Variants in VPS13C observed in about 807,000 individuals in gnomAD.
The protein encoded by VPS13C is vacuolar protein sorting 13 homolog C.
VPS13C carries 358 observed loss-of-function variants against 456.8 expected under a neutral mutation model. The observed-to-expected ratio is 0.78, with a 90% CI of 0.72 to 0.86. The LOEUF is 0.86. Ranked by LOEUF, VPS13C falls within the 40% of genes least tolerant of loss-of-function variation. The probability of loss-of-function intolerance (pLI) is 0.00; values close to 1 mark genes in which losing one functional copy is unlikely to be tolerated. For missense variants in VPS13C, 4,818 were observed against 4,385.4 expected, an observed-to-expected ratio of 1.10 and a Z score of -2.79; for synonymous variants, 1,578 against 1,486.7, an observed-to-expected ratio of 1.06 and a Z score of -1.41.
At chr15:61,995,930 G>C (rs1016784709) in intron 16 of VPS13C, among the ~76,000 whole-genome samples, 2 of 152,178 alleles carry the variant, frequency 1.3e-5, no homozygotes, top group Non-Finnish European at 2.9e-5. Context: ...TCTGCCCTGA[G>C]CAAGGGCCTC....
intron 75 of VPS13C, 97 bp downstream of exon 75, chr15:61,876,876 A>T: frequency 1.2e-6 from 1 of 837,642 alleles, no homozygotes; most frequent in Non-Finnish European, 1.7e-6. Context: ...AAGTGAGATA[A>T]ATTAGATAAA....
chr15:62,038,033 G>GA (rs1460529201), intron 3 of VPS13C, among the ~76,000 whole-genome samples: 2 of 152,040 alleles, frequency 1.3e-5, no homozygotes, highest in Non-Finnish European at 2.9e-5. Context: ...ATTGAATAAA[G>GA]AAAAAAGTGA....
chr15:61,981,395 C>T lies in VPS13C; in HGVS notation c.2113G>A (p.Gly705Ser). 1 of 1,611,966 alleles carries T rather than the reference C, an allele frequency of 6.2e-7. No individual in the cohort carries two copies. Among genetic ancestry groups the T allele is most frequent in the Non-Finnish European group, 8.5e-7 (1 of 1,179,192 alleles). ...KPSYLVVPQT[G>S]FHHEKSDLLI... ...AGATCTGACTTTTCATGGTGGAAAC[C>T]CGTCTGTGGAACTACTAGATAAGAA... The change falls in exon 22 of 85, where the codon GGT (glycine) becomes AGT (serine). Residue 705 changes from glycine (G) to serine (S), a missense_variant. Around this residue, in one of 3 missense-constraint regions of VPS13C, gnomAD observed 4,552 missense variants for 4,130.6 expected, o/e 1.10. Coordinates refer to ENST00000644861, the MANE Select transcript of VPS13C (RefSeq NM_020821.3).
At chr15:61,912,498 T>G (rs1438336045) in intron 62 of VPS13C, among the ~76,000 whole-genome samples, 3 of 152,096 alleles carry the variant, frequency 2.0e-5, no homozygotes, top group Non-Finnish European at 2.9e-5. Context: ...GTTGCTCAAC[T>G]GGATGGATTA....
intron 11 of VPS13C, among the ~76,000 whole-genome samples, chr15:62,012,417 G>A (rs556356320): frequency 3.5e-4 from 53 of 151,754 alleles, no homozygotes; most frequent in Non-Finnish European, 6.8e-4. Flanking sequence ...CTCTGACTCC[G>A]AAAAAATGTA....
At chr15:61,946,517 A>G in intron 43 of VPS13C, 107 bp from the exon 44 acceptor site, 1 of 718,206 alleles carries the variant, frequency 1.4e-6, no homozygotes, top group Non-Finnish European at 2.1e-6. Flanking sequence ...AATAAAAATT[A>G]CTCATTATAA....
intron 6 of VPS13C, 66 bp from the exon 7 acceptor site, chr15:62,023,911 A>G (rs1236042282): frequency 4.2e-6 from 6 of 1,434,146 alleles, no homozygotes; most frequent in Non-Finnish European, 5.7e-6. Context: ...CAGGACAGAA[A>G]AGAAAACAAG....
At chr15:61,883,622 G>A (rs1344768263) in intron 68 of VPS13C, among the ~76,000 whole-genome samples, 17 of 152,128 alleles carry the variant, frequency 1.1e-4, no homozygotes, top group African/African-American at 4.1e-4. Context: ...CCTAGGTGGA[G>A]TGCATCTTTA....
chr15:62,014,640 T>C (rs1366433180), intron 9 of VPS13C, among the ~76,000 whole-genome samples: 1 of 152,144 alleles, frequency 6.6e-6, no homozygotes, highest in South Asian at 2.1e-4. Flanking sequence ...GTTGTTATAA[T>C]AGCCACTATA....
At chr15:61,973,556 T>C (rs774314286) in intron 25 of VPS13C, 24 bp from the exon 26 acceptor site, 1 of 1,578,552 alleles carries the variant, frequency 6.3e-7, no homozygotes, top group East Asian at 2.2e-5. Flanking sequence ...CAAAAAGTTT[T>C]CTTAAAAAGG....
intron 28 of VPS13C, 113 bp from the exon 29 acceptor site, chr15:61,967,560 C>T: frequency 2.5e-6 from 2 of 797,398 alleles, no homozygotes; most frequent in Non-Finnish European, 4.0e-6. Flanking sequence ...AAAATCTTTG[C>T]ATATTGTCAT....
rs140366837 is a variant in VPS13C, at chr15:61,868,237, T to G, written c.10863+422A>C. Among the ~76,000 whole-genome samples, 387 of 152,262 alleles carry G rather than the reference T, an allele frequency of 2.5e-3. 1 individual carries two copies. The highest frequency in any genetic ancestry group is 0.02 in the Middle Eastern group (6 of 294). ...AACAAGATCATAATTATACATAATC[T>G]TTTATTCTCTCATCTAGTTCTAGTT... On this transcript the variant is annotated intron_variant, in intron 81 of 84. Transcript: ENST00000644861.
At chr15:62,007,520 G>C (rs780917727) in intron 14 of VPS13C, 41 bp from the exon 15 acceptor site, 2 of 1,468,406 alleles carry the variant, frequency 1.4e-6, no homozygotes, top group Non-Finnish European at 1.8e-6. Context: ...TAATATAAAG[G>C]TTTAAGAGAA....
chr15:61,868,729 C>T lies in VPS13C; in HGVS notation c.10793G>A (p.Arg3598His), dbSNP rs1033240534. Residue 3598 changes from arginine (R) to histidine (H), a missense_variant, in exon 81 of 85, where the codon CGC (arginine) becomes CAC (histidine). Physicochemically the swap from Arg to His is conservative, Grantham distance 29. Transcript: ENST00000644861. ...TEEVSSLRPP[R>H]LIHEDGIIRP... ...AATGATGCCATCTTCATGGATCAGG[C>T]GAGGGGGACGGAGGCTAGATACTTC... The T allele has an allele frequency of 1.1e-5, 17 of 1,613,900 alleles. No individual in the cohort carries two copies. The highest frequency in any genetic ancestry group is 2.7e-5 in the African/African-American group (2 of 74,900).
intron 15 of VPS13C, among the ~76,000 whole-genome samples, chr15:62,001,403 T>G (rs988539666): frequency 1.3e-5 from 2 of 152,246 alleles, no homozygotes; most frequent in Admixed American, 1.3e-4. Flanking sequence ...TTTCACATTA[T>G]GAATCATTGC....
At position 61,959,600 on chromosome 15, in the gene VPS13C, G is replaced by A. The variant is rs1408773936; in HGVS notation, c.3909-5C>T. 2.4e-5 allele frequency: 39 copies of A among 1,606,814 alleles called. No individual in the cohort carries two copies. In the East Asian group the frequency reaches 6.3e-4, roughly 26 times the overall value. On this transcript the variant is annotated splice_polypyrimidine_tract_variant and splice_region_variant and intron_variant, in intron 35 of 84. Transcript: ENST00000644861. The stretch of plus-strand genomic sequence containing the variant: ...ATGCCTGGCTGGATCACTGTCCTAC[G>A]AAAAACAGAAATGTTACATAATGCA...
intron 66 of VPS13C, among the ~76,000 whole-genome samples, chr15:61,899,398 G>T (rs372614329): frequency 1.3e-5 from 2 of 150,914 alleles, no homozygotes; most frequent in South Asian, 2.1e-4. Flanking sequence ...TCAAATAGAC[G>T]CAATAAAAAA....
chr15:61,916,884 T>C (rs1383923832), intron 60 of VPS13C, among the ~76,000 whole-genome samples: 1 of 152,170 alleles, frequency 6.6e-6, no homozygotes, highest in Non-Finnish European at 1.5e-5. Flanking sequence ...TATTTTCTCA[T>C]TTTTTCCTAT....
At chr15:61,912,809 C>G (rs572870054) in intron 62 of VPS13C, among the ~76,000 whole-genome samples, 89 of 110,296 alleles carry the variant, frequency 8.1e-4, no homozygotes, top group African/African-American at 3.0e-3. Flanking sequence ...CACCCCAAAA[C>G]AGTCCCCAGA....
Sources: gnomAD v4.1 joint callset for allele counts (sites outside exome capture counted in the v4.1 genomes callset) on GRCh38, gnomAD v4.1.1 for gene constraint, gnomAD v4.1.1 regional missense constraint, MANE v1.5 for transcripts, NCBI Gene and HGNC (gene_info 2026-07-23, HGNC 2026-07-21) for gene names.